Variants in MAST4 observed in about 807,000 individuals in gnomAD.
MAST4 encodes the protein microtubule associated serine/threonine kinase family member 4.
A neutral mutation model predicts 162.7 loss-of-function variants in MAST4; 89 were observed. The ratio of observed to expected loss-of-function variants is 0.55; its 90% CI spans 0.46 to 0.65. The LOEUF (loss-of-function observed/expected upper bound fraction) is 0.65, where lower values mean the gene tolerates loss of function less well. MAST4 is among the 30% of genes least tolerant of loss of function. The pLI is 0.00. For missense variants in MAST4, 3,153 were observed against 3,374.0 expected (o/e 0.93, Z 1.62); for synonymous variants, 1,479 against 1,361.1 (o/e 1.09, Z -1.91).
intron 4 of MAST4, among the ~76,000 whole-genome samples, chr5:67,052,252 T>C (rs1413580363): frequency 6.6e-6 from 1 of 152,172 alleles, no homozygotes; most frequent in East Asian, 1.9e-4. Flanking sequence ...TAGAAATCTG[T>C]ATAGAGGAGT....
intron 3 of MAST4, among the ~76,000 whole-genome samples, chr5:66,879,355 CACACACATAT>C (rs1303600691): frequency 2.4e-5 from 1 of 40,992 alleles, no homozygotes; most frequent in Non-Finnish European, 8.8e-5. Context: ...TACACACACA[CACACACATAT>C]ATATATATAT....
intron 4 of MAST4, among the ~76,000 whole-genome samples, chr5:66,973,417 C>G (rs1367500730): frequency 2.0e-5 from 3 of 152,024 alleles, no homozygotes; most frequent in African/African-American, 7.2e-5. Context: ...TACTAGACAA[C>G]TTTTCTGTTG....
chr5:66,915,304 G>A (rs1764038685), intron 4 of MAST4, among the ~76,000 whole-genome samples: 2 of 150,858 alleles, frequency 1.3e-5, no homozygotes, highest in Non-Finnish European at 2.9e-5. Context: ...TGGAATGAGA[G>A]CTGATTGTTT....
rs778483933 is a variant in MAST4, at chr5:67,163,915, A to C, written c.4736A>C (p.Lys1579Thr). The change falls in exon 29 of 29, where the codon AAG becomes ACG. Residue 1579 changes from lysine to threonine, a missense_variant. Transcript: ENST00000403625. The surrounding 1 kb of genome is among the most constrained non-coding windows in gnomAD (Gnocchi z 7.0). ...GAGAGAGAGAAGAAAGTCTATCCGA[A>C]GGCTGTGGAAAGGTCAAGTACTTTT... ...LEEREKKVYP[K>T]AVERSSTFEN... The C allele has an allele frequency of 2.1e-5, 34 of 1,613,874 alleles. No homozygotes were observed. The East Asian group carries it at 7.4e-4, about 35-fold the overall frequency.
chr5:67,045,044 CAGTTT>C (rs759693164), intron 4 of MAST4, among the ~76,000 whole-genome samples: 33 of 152,266 alleles, frequency 2.2e-4, no homozygotes, highest in Admixed American at 3.9e-4. Flanking sequence ...CATTTTAAAT[CAGTTT>C]AGTCTCATAA....
At chr5:66,607,577 A>T (rs114599598) in intron 1 of MAST4, among the ~76,000 whole-genome samples, 228 of 152,320 alleles carry the variant, frequency 1.5e-3, no homozygotes, top group African/African-American at 5.2e-3. Context: ...TAACAGTAAT[A>T]TTGGGCTGTA....
At chr5:67,012,642 G>T (rs575820502) in intron 4 of MAST4, among the ~76,000 whole-genome samples, 1 of 152,192 alleles carries the variant, frequency 6.6e-6, no homozygotes, top group South Asian at 2.1e-4. Flanking sequence ...TAGGAACTTG[G>T]TTTTTGTGAT....
At chr5:67,072,528 C>A (rs983471572) in intron 5 of MAST4, among the ~76,000 whole-genome samples, 1 of 152,076 alleles carries the variant, frequency 6.6e-6, no homozygotes, top group Non-Finnish European at 1.5e-5. Flanking sequence ...ACATTCTTTG[C>A]AGTCAGATAA....
At position 67,164,699 on chromosome 5, in the gene MAST4, A is replaced by C. The variant is rs1478832012; in HGVS notation, c.5520A>C (p.Pro1840=). The part of the protein sequence containing the change: ...SPSGDVRASV[P]PVLPSSSGKK... ...GTGGTGACGTGAGGGCCTCTGTGCC[A>C]CCAGTTCTCCCCAGCAGCAGTGGGA... The change falls in exon 29 of 29, where the codon CCA becomes CCC. Residue 1840 remains proline, a synonymous_variant. Coordinates refer to ENST00000403625, the MANE Select transcript of MAST4 (RefSeq NM_001164664.2). The surrounding 1 kb of genome is among the most constrained non-coding windows in gnomAD (Gnocchi z 5.3). 1 of 1,613,866 alleles carries C rather than the reference A, an allele frequency of 6.2e-7. No individual in the cohort carries two copies. The highest frequency in any genetic ancestry group is 8.5e-7 in the Non-Finnish European group (1 of 1,179,894).
Position 66,849,100 on chromosome 5 carries a change from G to T in MAST4, c.643-50851G>T, listed in dbSNP as rs1261767777. ...ATGATTAGGGGTGTCCTTGCTCTAG[G>T]TTTCCTTGACTCCTTTATGCATCTT... On this transcript the variant is annotated intron_variant, in intron 3 of 28. Coordinates refer to ENST00000403625, the MANE Select transcript of MAST4 (RefSeq NM_001164664.2). Among the ~76,000 whole-genome samples the T allele has an allele frequency of 2.0e-5, 3 of 152,228 alleles. No individual in the cohort carries two copies. In the East Asian group the frequency reaches 5.8e-4, roughly 29 times the overall value.
At chr5:67,062,813 A>T (rs187782193) in intron 5 of MAST4, among the ~76,000 whole-genome samples, 43 of 151,356 alleles carry the variant, frequency 2.8e-4, no homozygotes, top group African/African-American at 6.8e-4. Context: ...TTTCCTTTTT[A>T]AAAAAAAATA....
intron 3 of MAST4, among the ~76,000 whole-genome samples, chr5:66,823,127 T>G (rs1757074065): frequency 6.6e-6 from 1 of 152,192 alleles, no homozygotes; most frequent in South Asian, 2.1e-4. Context: ...TTCTCCTTCC[T>G]GCCATGTCGT....
chr5:66,603,979 C>T (rs1463184931), intron 1 of MAST4, among the ~76,000 whole-genome samples: 2 of 152,204 alleles, frequency 1.3e-5, no homozygotes, highest in African/African-American at 4.8e-5. Context: ...ACAGCTGCTG[C>T]GCATTTGTGT....
intron 3 of MAST4, among the ~76,000 whole-genome samples, chr5:66,838,648 C>A (rs1758199410): frequency 6.6e-6 from 1 of 152,138 alleles, no homozygotes; most frequent in Admixed American, 6.5e-5. Context: ...CGGAAGGAAG[C>A]CGGGAAGCCT....
chr5:66,993,331 C>T (rs1049659578), intron 4 of MAST4, among the ~76,000 whole-genome samples: 2 of 152,158 alleles, frequency 1.3e-5, no homozygotes, highest in Non-Finnish European at 2.9e-5. Flanking sequence ...TGTGTGCAAC[C>T]ATTCATTCCG....
chr5:67,142,029 A>C (rs1770457304), intron 19 of MAST4, 86 bp from the exon 20 acceptor site: 1 of 1,386,808 alleles, frequency 7.2e-7, no homozygotes, highest in Admixed American at 2.1e-5. Flanking sequence ...TATGTTCTCA[A>C]AATTGTTGTT....
At chr5:66,721,711 T>C in intron 1 of MAST4, among the ~76,000 whole-genome samples, 1 of 150,902 alleles carries the variant, frequency 6.6e-6, no homozygotes, top group South Asian at 2.1e-4. Context: ...CACATCTGAC[T>C]GCTTACTCAA....
intron 2 of MAST4, 65 bp from the exon 3 acceptor site, chr5:66,788,605 C>CCCCCAACAAAAAAAAAAAAAACCGCAG: frequency 7.4e-7 from 1 of 1,344,528 alleles, no homozygotes; most frequent in Non-Finnish European, 1.0e-6. Context: ...CACCCCCACC[C>CCCCCAACAAAAAAAAAAAAAACCGCAG]CCATTGCAAT....
intron 3 of MAST4, among the ~76,000 whole-genome samples, chr5:66,896,215 C>T (rs1257648405): frequency 6.6e-6 from 1 of 152,112 alleles, no homozygotes; most frequent in African/African-American, 2.4e-5. Context: ...TAGAAGGTCC[C>T]TCCATTTGGG....
Sources: allele counts gnomAD v4.1 joint callset (sites outside exome capture counted in the v4.1 genomes callset), GRCh38; gene constraint gnomAD v4.1.1; non-coding constraint Gnocchi (gnomAD v3.1); transcripts MANE v1.5; gene names NCBI Gene and HGNC (gene_info 2026-07-23, HGNC 2026-07-21).